Variants in GABBR2 observed in about 807,000 individuals in gnomAD.
GABBR2 encodes the protein gamma-aminobutyric acid type B receptor subunit 2, also known as G-protein coupled receptor 51.
Under a neutral mutation model 105.6 loss-of-function variants are expected in GABBR2, and 23 were observed. The ratio of observed to expected loss-of-function variants is 0.22; its 90% CI spans 0.16 to 0.31. GABBR2 has a LOEUF of 0.31. Ranked by LOEUF, GABBR2 falls within the 10% of genes least tolerant of loss-of-function variation. GABBR2 has a pLI of 1.00. For missense variants in GABBR2, 734 were observed against 1,245.5 expected (o/e 0.59, Z 6.18); for synonymous variants, 478 against 499.7 (o/e 0.96, Z 0.58).
intron 3 of GABBR2, among the ~76,000 whole-genome samples, chr9:98,540,193 CG>C (rs1322723501): frequency 6.6e-6 from 1 of 152,162 alleles, no homozygotes; most frequent in Non-Finnish European, 1.5e-5. Context: ...GGGAAGATGA[CG>C]AGCAGTCTTG....
At chr9:98,568,226 T>C (rs1373088748) in intron 2 of GABBR2, among the ~76,000 whole-genome samples, 1 of 152,134 alleles carries the variant, frequency 6.6e-6, no homozygotes, top group Non-Finnish European at 1.5e-5. Context: ...ACACACATTA[T>C]TGGGTCCCTG....
At chr9:98,408,036 A>C (rs1791553837) in intron 7 of GABBR2, among the ~76,000 whole-genome samples, 1 of 152,168 alleles carries the variant, frequency 6.6e-6, no homozygotes. Flanking sequence ...TGAATTATGG[A>C]CCAAGCACAG....
At chr9:98,474,781 G>A (rs1767287099) in intron 5 of GABBR2, among the ~76,000 whole-genome samples, 1 of 152,090 alleles carries the variant, frequency 6.6e-6, no homozygotes, top group South Asian at 2.1e-4. Flanking sequence ...TCCACAGAAG[G>A]GAGGCCAGAG....
intron 3 of GABBR2, among the ~76,000 whole-genome samples, chr9:98,519,033 T>G (rs1336715350): frequency 6.6e-6 from 1 of 152,208 alleles, no homozygotes; most frequent in African/African-American, 2.4e-5. Context: ...AGGGAACAGG[T>G]ATTTACTCTG....
At chr9:98,604,609 A>G (rs1829385319) in intron 1 of GABBR2, among the ~76,000 whole-genome samples, 1 of 152,180 alleles carries the variant, frequency 6.6e-6, no homozygotes, top group African/African-American at 2.4e-5. Context: ...TGGTCCTTAC[A>G]TATGCATTTG....
intron 11 of GABBR2, among the ~76,000 whole-genome samples, chr9:98,374,490 C>G (rs917823894): frequency 6.6e-6 from 1 of 152,204 alleles, no homozygotes; most frequent in African/African-American, 2.4e-5. Flanking sequence ...ACCATCCCCT[C>G]AATGATAAGA....
chr9:98,348,856 T>A (rs1218769318), intron 13 of GABBR2, among the ~76,000 whole-genome samples: 1 of 152,190 alleles, frequency 6.6e-6, no homozygotes, highest in Non-Finnish European at 1.5e-5. Flanking sequence ...ATATATAAGA[T>A]CATATCATCT....
At position 98,371,509 on chromosome 9, in the gene GABBR2, G is replaced by C; in HGVS notation, c.1725C>G (p.Thr575=). Reference sequence around the variant, plus strand: ...TTTTGAAGATGGCGTGGACTCTCCAGGTCTTTGCAAACATGGCCCCAAAAG... The same window carrying C: ...TTTTGAAGATGGCGTGGACTCTCCACGTCTTTGCAAACATGGCCCCAAAAG... ...TTAFGAMFAK[T]WRVHAIFKNV... is the part of the protein sequence containing the mutation. The change falls in exon 12 of 19, where the codon ACC becomes ACG. Residue 575 remains threonine, a synonymous_variant. Transcript: ENST00000259455. 6.2e-7 allele frequency: 1 copy of C among 1,611,562 alleles called. No individual in the cohort carries two copies. The highest frequency in any genetic ancestry group is 1.1e-5 in the South Asian group (1 of 91,034).
intron 1 of GABBR2, among the ~76,000 whole-genome samples, chr9:98,639,171 A>G (rs1444452239): frequency 6.6e-6 from 1 of 152,150 alleles, no homozygotes; most frequent in Non-Finnish European, 1.5e-5. Context: ...AAGGCCCATG[A>G]GTGGCTAAGG....
rs1412168789 is a variant in GABBR2 at position 98,639,102 on chromosome 9, G to A, written c.322-61030C>T. Among the ~76,000 whole-genome samples, 3 of 152,318 alleles carry A rather than the reference G, an allele frequency of 2.0e-5. No homozygotes were observed. In the East Asian group the frequency reaches 5.8e-4, roughly 29 times the overall value. ...AGTTTGGTCCAGGAACACCTCCAGT[G>A]CTGGTTTCTCCATACCCCTCACCCT... On this transcript the variant is annotated intron_variant, in intron 1 of 18. Transcript: ENST00000259455.
chr9:98,552,518 C>T (rs1828507487), intron 2 of GABBR2, among the ~76,000 whole-genome samples: 2 of 152,160 alleles, frequency 1.3e-5, no homozygotes, highest in Admixed American at 6.5e-5. Context: ...TTCAGGTCTG[C>T]GCCAGGTCGC....
In GABBR2 at chr9:98,288,908, G is replaced by A. The variant is rs1164649524; in HGVS notation, c.*1676C>T. The A allele has an allele frequency of 1.3e-5, 2 of 152,630 alleles. No individual in the cohort carries two copies. Among genetic ancestry groups the A allele is most frequent in the Non-Finnish European group, 2.9e-5 (2 of 68,058 alleles). The allele number at this position is 152,630 out of a possible 1,614,324, so 9.5% of individuals were successfully genotyped here. On this transcript the variant is annotated 3_prime_UTR_variant, in exon 19 of 19. Transcript: ENST00000259455. ...AAAACAGTTTATTCCTGACTGCAGT[G>A]GTTCTGGGAAGAGATTATTGCCTGC...
At chr9:98,594,821 C>T (rs1435851818) in intron 1 of GABBR2, among the ~76,000 whole-genome samples, 1 of 152,232 alleles carries the variant, frequency 6.6e-6, no homozygotes, top group African/African-American at 2.4e-5. Flanking sequence ...AACCATGGCA[C>T]TCGAGGGAGC....
chr9:98,504,682 A>G (rs1335280769), intron 3 of GABBR2, among the ~76,000 whole-genome samples: 1 of 152,358 alleles, frequency 6.6e-6, no homozygotes, highest in East Asian at 1.9e-4. Context: ...ACTAAAGTGT[A>G]TAATTATAGA....
At chr9:98,398,134 C>T (rs1056761803) in intron 8 of GABBR2, among the ~76,000 whole-genome samples, 1 of 152,054 alleles carries the variant, frequency 6.6e-6, no homozygotes, top group Non-Finnish European at 1.5e-5. Flanking sequence ...GTAATAACTG[C>T]CAGGGGTAGA....
intron 13 of GABBR2, among the ~76,000 whole-genome samples, chr9:98,350,177 C>CAAAAA (rs35948835): frequency 7.5e-5 from 11 of 145,728 alleles, no homozygotes; most frequent in African/African-American, 2.8e-4. Context: ...TTTATCTTCT[C>CAAAAA]AAAAAAAAAA....
chr9:98,327,946 C>T (rs1830952748), intron 13 of GABBR2, among the ~76,000 whole-genome samples: 2 of 150,778 alleles, frequency 1.3e-5, no homozygotes, highest in Admixed American at 6.6e-5. Flanking sequence ...TATACATTTC[C>T]AAGAAGCAGA....
intron 3 of GABBR2, among the ~76,000 whole-genome samples, chr9:98,518,299 G>T (rs1025520898): frequency 2.6e-4 from 39 of 152,250 alleles, no homozygotes; most frequent in Non-Finnish European, 5.0e-4. Flanking sequence ...TCTGTTTCTT[G>T]CCAGGACGCT....
chr9:98,614,481 C>A (rs184418779), intron 1 of GABBR2, among the ~76,000 whole-genome samples: 4 of 151,978 alleles, frequency 2.6e-5, no homozygotes, highest in African/African-American at 9.7e-5. Flanking sequence ...GCCGAGGTTG[C>A]GCCAATGCAC....
Sources: allele counts gnomAD v4.1 joint callset (sites outside exome capture counted in the v4.1 genomes callset), GRCh38; gene constraint gnomAD v4.1.1; transcripts MANE v1.5; gene names NCBI Gene and HGNC (gene_info 2026-07-23, HGNC 2026-07-21).